Variants in NLGN1 observed in about 807,000 individuals in gnomAD.
NLGN1 encodes neuroligin 1, also known as neuroligin-1.
A neutral mutation model predicts 65.5 loss-of-function variants in NLGN1; 12 were observed. That is an observed-to-expected ratio of 0.18 (90% CI 0.12 to 0.30). The LOEUF (loss-of-function observed/expected upper bound fraction) is 0.30, where lower values mean the gene tolerates loss of function less well. Among genes scored for constraint, NLGN1 ranks in the 10% least tolerant of loss-of-function variants. The pLI is 1.00. For missense variants in NLGN1, 750 were observed against 1,007.1 expected (o/e 0.74, Z 3.46); for synonymous variants, 350 against 359.5 (o/e 0.97, Z 0.30).
intron 3 of NLGN1, among the ~76,000 whole-genome samples, chr3:173,738,873 G>C (rs1357958379): frequency 6.6e-6 from 1 of 152,054 alleles, no homozygotes; most frequent in East Asian, 1.9e-4. Context: ...AAAAACATTT[G>C]ATATTAGAAC....
At chr3:173,916,113 T>G (rs939994105) in intron 4 of NLGN1, among the ~76,000 whole-genome samples, 12 of 152,174 alleles carry the variant, frequency 7.9e-5, no homozygotes, top group Non-Finnish European at 1.3e-4. Flanking sequence ...TTAGGTTTCT[T>G]GTGAGAATGA....
intron 3 of NLGN1, among the ~76,000 whole-genome samples, chr3:173,777,627 GTCTGTCTATCTATCTATCTATCTA>G (rs1317362024): frequency 8.4e-5 from 1 of 11,866 alleles, no homozygotes. Flanking sequence ...CTGTCTGTCT[GTCTGTCTATCTATCTATCTATCTA>G]TCTATCTATC....
chr3:173,595,253 C>G (rs1749257243), intron 2 of NLGN1, among the ~76,000 whole-genome samples: 1 of 152,178 alleles, frequency 6.6e-6, no homozygotes, highest in Non-Finnish European at 1.5e-5. Flanking sequence ...CAAGTCACCT[C>G]TTGAATGCTT....
In NLGN1 at chr3:173,940,080, C is replaced by CTTTTTTTTTTTTTTTTTT. The variant is rs531013909; in HGVS notation, c.646+132256_646+132273dup. On this transcript the variant is annotated intron_variant, in intron 4 of 6. Transcript: ENST00000457714. ...AAATTTTACACTCAAATAGTTATAG[C>CTTTTTTTTTTTTTTTTTT]TTTTTTTTTTTTTTTTTTTTTTTTT... 7.8e-4 allele frequency among the ~76,000 whole-genome samples: 59 copies of CTTTTTTTTTTTTTTTTTT among 75,432 alleles called. 12 individuals are homozygous for CTTTTTTTTTTTTTTTTTT. The highest frequency in any genetic ancestry group is 2.0e-3 in the African/African-American group (33 of 16,664). The allele number at this position is 75,432 out of a possible 152,430, so 49.5% of individuals were successfully genotyped here. A position where few individuals can be genotyped will look rare whatever the true frequency, so the allele number is the denominator to read the frequency against.
intron 4 of NLGN1, among the ~76,000 whole-genome samples, chr3:173,931,364 C>A (rs13097226): frequency 0.29 from 43,800 of 151,936 alleles, 6,706 homozygotes; most frequent in African/African-American, 0.35. Flanking sequence ...GGCATAGTAG[C>A]ATAAGGAACA....
At chr3:173,733,052 T>C (rs937330416) in intron 3 of NLGN1, among the ~76,000 whole-genome samples, 1 of 152,124 alleles carries the variant, frequency 6.6e-6, no homozygotes, top group Non-Finnish European at 1.5e-5. Context: ...ATTTTTAATG[T>C]TTTTGGTTTA....
At chr3:173,543,037 A>C (rs910497639) in intron 2 of NLGN1, among the ~76,000 whole-genome samples, 1 of 152,080 alleles carries the variant, frequency 6.6e-6, no homozygotes, top group African/African-American at 2.4e-5. Flanking sequence ...CTCAGTGTTT[A>C]CTTACAGCAT....
rs140560516 is a variant in NLGN1 at position 173,646,102 on chromosome 3, G to T, written c.493+41011G>T. Among the ~76,000 whole-genome samples the T allele has an allele frequency of 3.8e-3, 575 of 152,174 alleles. 1 individual carries two copies. Among genetic ancestry groups the T allele is most frequent in the Non-Finnish European group, 6.0e-3 (405 of 68,018 alleles). The stretch of plus-strand genomic sequence containing the variant: ...CTGTCAGAAAGTGGTCCATCCCGTG[G>T]TATGTGGTCTCTTCTTGACCACACT... On this transcript the variant is annotated intron_variant, in intron 3 of 6. Transcript: ENST00000457714.
intron 2 of NLGN1, among the ~76,000 whole-genome samples, chr3:173,479,779 T>C (rs970300057): frequency 5.3e-5 from 8 of 152,118 alleles, no homozygotes; most frequent in Admixed American, 1.3e-4. Flanking sequence ...TATGAACTTA[T>C]ATGAACAATA....
intron 4 of NLGN1, among the ~76,000 whole-genome samples, chr3:174,125,518 T>C (rs926301221): frequency 3.3e-5 from 5 of 152,022 alleles, no homozygotes; most frequent in African/African-American, 1.2e-4. Flanking sequence ...GGGGGAGCTG[T>C]GTGATACAGG....
At chr3:173,601,808 AAT>A (rs1350059718) in intron 2 of NLGN1, among the ~76,000 whole-genome samples, 3 of 152,014 alleles carry the variant, frequency 2.0e-5, no homozygotes, top group African/African-American at 7.2e-5. Context: ...TATGTATAAA[AAT>A]ATATAGCAAA....
chr3:173,862,970 A>G (rs1341423558), intron 4 of NLGN1, among the ~76,000 whole-genome samples: 1 of 152,178 alleles, frequency 6.6e-6, no homozygotes, highest in African/African-American at 2.4e-5. Flanking sequence ...TGAGTTAATG[A>G]ATGTCAGAAA....
At chr3:174,202,467 AT>A (rs148763266) in intron 4 of NLGN1, among the ~76,000 whole-genome samples, 13,519 of 151,674 alleles carry the variant, frequency 0.089, 1,170 homozygotes, top group African/African-American at 0.24. Context: ...GAAAAAAAAA[AT>A]AAAACCCTGA....
intron 3 of NLGN1, among the ~76,000 whole-genome samples, chr3:173,791,334 G>T (rs1022526175): frequency 2.0e-5 from 3 of 152,022 alleles, no homozygotes; most frequent in South Asian, 4.2e-4. Flanking sequence ...AGCTACTCTT[G>T]TCCTTACTTT....
At chr3:173,783,353 A>G (rs924001063) in intron 3 of NLGN1, among the ~76,000 whole-genome samples, 1 of 152,212 alleles carries the variant, frequency 6.6e-6, no homozygotes, top group African/African-American at 2.4e-5. Context: ...TGTAGCAGAT[A>G]CGCTACTGTT....
At chr3:174,201,525 G>A (rs950582172) in intron 4 of NLGN1, among the ~76,000 whole-genome samples, 5 of 20,892 alleles carry the variant, frequency 2.4e-4, no homozygotes, top group African/African-American at 3.3e-4. Flanking sequence ...TCTCTTTCCT[G>A]TACAGCATCA....
intron 4 of NLGN1, among the ~76,000 whole-genome samples, chr3:174,175,923 C>G (rs1012242090): frequency 6.6e-6 from 1 of 151,918 alleles, no homozygotes; most frequent in African/African-American, 2.4e-5. Flanking sequence ...CAGGATATTT[C>G]TCTCTTCACA....
intron 1 of NLGN1, among the ~76,000 whole-genome samples, chr3:173,411,877 G>A (rs1026979641): frequency 2.0e-5 from 3 of 151,908 alleles, no homozygotes; most frequent in Non-Finnish European, 4.4e-5. Flanking sequence ...ACACACTTTT[G>A]TTTCAAGCAG....
chr3:174,229,113 C>T (rs1740236110), intron 4 of NLGN1, among the ~76,000 whole-genome samples: 1 of 152,058 alleles, frequency 6.6e-6, no homozygotes. Context: ...CTTTTAACTT[C>T]TTCACTGTAA....
Sources: gnomAD v4.1 joint callset for allele counts (sites outside exome capture counted in the v4.1 genomes callset) on GRCh38, gnomAD v4.1.1 for gene constraint, MANE v1.5 for transcripts, NCBI Gene and HGNC (gene_info 2026-07-23, HGNC 2026-07-21) for gene names.